Variants in IGSF9B observed in about 807,000 individuals in gnomAD.
IGSF9B encodes the protein protein turtle homolog B.
A neutral mutation model predicts 143.7 loss-of-function variants in IGSF9B; 48 were observed. The ratio of observed to expected loss-of-function variants is 0.33; its 90% confidence interval spans 0.26 to 0.42. IGSF9B has a LOEUF of 0.42. Among genes scored for constraint, IGSF9B ranks in the 20% least tolerant of loss-of-function variants. IGSF9B has a pLI of 1.00. For synonymous variants in IGSF9B, 903 were observed against 833.1 expected (o/e 1.08, Z -1.44); for missense variants, 1,706 against 1,980.0 (o/e 0.86, Z 2.63).
intron 1 of IGSF9B, among the ~76,000 whole-genome samples, chr11:133,946,535 G>A (rs906261259): frequency 2.6e-5 from 4 of 152,156 alleles, no homozygotes; most frequent in African/African-American, 9.7e-5. Flanking sequence ...CTACACGCCA[G>A]CTCTTCCCTC....
Position 133,925,737 on chromosome 11 carries a change from A to G in IGSF9B, c.2034+2T>C, listed in dbSNP as rs752161474. 3.5e-5 allele frequency: 57 copies of G among 1,611,376 alleles called. No homozygotes were observed. The highest frequency in any genetic ancestry group is 4.8e-5 in the Non-Finnish European group (56 of 1,178,358). On this transcript the variant is annotated splice_donor_variant, in intron 14 of 19. Transcript: ENST00000533871. LOFTEE classifies it high-confidence loss of function. ...AGCAGCAAGGAAGAGCAAAGCCCTCACCTGTGACAGATCCTTGGCAAAGAA... is the reference window on the plus strand; with the variant it reads ...AGCAGCAAGGAAGAGCAAAGCCCTCGCCTGTGACAGATCCTTGGCAAAGAA...
At chr11:133,947,195 G>C (rs557807257) in intron 1 of IGSF9B, among the ~76,000 whole-genome samples, 4 of 152,116 alleles carry the variant, frequency 2.6e-5, no homozygotes, top group Non-Finnish European at 1.5e-5. Flanking sequence ...GAAGAGCCAC[G>C]CACCCCAAGC....
intron 16 of IGSF9B, 137 bp downstream of exon 16, chr11:133,922,432 T>G: frequency 1.0e-6 from 1 of 995,410 alleles, no homozygotes; most frequent in Non-Finnish European, 1.5e-6. Flanking sequence ...TCAAATCAAG[T>G]CTCACTGGCA....
At chr11:133,944,426 G>A (rs569424362) in intron 2 of IGSF9B, 60 bp from the exon 3 acceptor site, 336 of 1,543,316 alleles carry the variant, frequency 2.2e-4, no homozygotes, top group Non-Finnish European at 2.8e-4. Context: ...GCAGCTCCCC[G>A]CCCCCTGCCC....
Position 133,925,972 on chromosome 11 carries a change from C to T in IGSF9B, c.1808-7G>A, listed in dbSNP as rs78743913. 8,713 of 1,573,976 alleles carry T rather than the reference C, an allele frequency of 5.5e-3. 187 individuals carry two copies. In the African/African-American group the frequency reaches 0.064, roughly 12 times the overall value. On this transcript the variant is annotated splice_region_variant and splice_polypyrimidine_tract_variant and intron_variant, in intron 13 of 19. Transcript: ENST00000533871. The stretch of plus-strand genomic sequence containing the variant: ...GGAGTTGTAATAGGGAATGCTGCGG[C>T]GGGGGAAGGAGAAGAACCACAGCGC...
At chr11:133,940,272 C>T (rs1345511419) in intron 3 of IGSF9B, among the ~76,000 whole-genome samples, 6 of 138,666 alleles carry the variant, frequency 4.3e-5, no homozygotes, top group African/African-American at 1.4e-4. Flanking sequence ...CGCGTCATCG[C>T]ACGCAGAAAC....
In IGSF9B at chr11:133,899,721, G is replaced by A. The variant is rs1050484484; in HGVS notation, c.*9348C>T. 6.6e-6 allele frequency: 1 copy of A among 152,436 alleles called. No homozygotes were observed. Among genetic ancestry groups the A allele is most frequent in the Non-Finnish European group, 1.5e-5 (1 of 68,196 alleles). 9.4% of individuals were successfully genotyped at this position (152,436 alleles called of 1,614,324 possible). ...GGGCAGAGTCCACAGAAAGAGAGGG[G>A]ATGGTGGGTCTAGAAGCCAACAGAA... On this transcript the variant is annotated 3_prime_UTR_variant, in exon 20 of 20. Coordinates refer to ENST00000533871, the MANE Select transcript of IGSF9B (RefSeq NM_001277285.4).
At chr11:133,927,945 G>A (rs1488184835) in intron 12 of IGSF9B, among the ~76,000 whole-genome samples, 2 of 152,178 alleles carry the variant, frequency 1.3e-5, no homozygotes, top group Non-Finnish European at 2.9e-5. Flanking sequence ...AGAAGCCGGC[G>A]CCAAACGTCG....
intron 15 of IGSF9B, among the ~76,000 whole-genome samples, chr11:133,923,984 T>C (rs772599332): frequency 2.6e-5 from 4 of 152,080 alleles, no homozygotes; most frequent in Non-Finnish European, 4.4e-5. Flanking sequence ...TTAAAGCCCA[T>C]TGATGCCTAA....
At chr11:133,933,439 A>T (rs1256117119) in intron 7 of IGSF9B, among the ~76,000 whole-genome samples, 1 of 152,166 alleles carries the variant, frequency 6.6e-6, no homozygotes, top group Non-Finnish European at 1.5e-5. Flanking sequence ...TCCCCATCTG[A>T]TTCTGCAGCT....
At position 133,921,046 on chromosome 11, in the gene IGSF9B, G is replaced by A. The variant is rs376960400; in HGVS notation, c.2679C>T (p.Asp893=). 1,406 of 1,613,784 alleles carry A rather than the reference G, an allele frequency of 8.7e-4. 20 individuals carry two copies. The South Asian group carries it at 0.014, about 16-fold the overall frequency. Residue 893 remains aspartate (D), a synonymous_variant, in exon 18 of 20, where the codon GAC becomes GAT. Coordinates refer to ENST00000533871, the MANE Select transcript of IGSF9B (RefSeq NM_001277285.4). ...GCACCAGTGGGTCCTCGTTCTCCTC[G>A]TCCGACTGGCGGAACTCGGGGTACA... ...TDMYPEFRQS[D]EENEDPLVPT...
chr11:133,917,833 G>A (rs865952127), intron 18 of IGSF9B, among the ~76,000 whole-genome samples: 3 of 151,902 alleles, frequency 2.0e-5, no homozygotes, highest in Non-Finnish European at 4.4e-5. Context: ...AATAGGGTGC[G>A]GGGGGGCTCT....
chr11:133,919,943 C>T lies in IGSF9B; in HGVS notation c.3782G>A (p.Ser1261Asn), dbSNP rs747853490. ...STPSTGSPSQ[S>N]SRSGSPSYRP... ...GTAGCTGGGACTCCCACTGCGGCTG[C>T]TCTGGGAGGGGGAGCCTGTGGACGG... The change falls in exon 18 of 20, where the codon AGC becomes AAC. Residue 1261 changes from serine (S) to asparagine (N), a missense_variant. By Grantham distance (46) the Ser-to-Asn change is conservative. This residue lies in a region of IGSF9B where 880 missense variants were observed against 762.9 expected (regional missense o/e 1.15). Coordinates refer to ENST00000533871, the MANE Select transcript of IGSF9B (RefSeq NM_001277285.4). 9 of 1,556,986 alleles carry T rather than the reference C, an allele frequency of 5.8e-6. No individual in the cohort carries two copies. The highest frequency in any genetic ancestry group is 1.7e-4 in the Middle Eastern group (1 of 5,802).
chr11:133,904,146 CAA>C lies in IGSF9B; in HGVS notation c.*4921_*4922del, dbSNP rs921583277. 6.6e-6 allele frequency among the ~76,000 whole-genome samples: 1 copy of C among 152,150 alleles called. No individual in the cohort carries two copies. Among genetic ancestry groups the C allele is most frequent in the African/African-American group, 2.4e-5 (1 of 41,440 alleles). On this transcript the variant is annotated 3_prime_UTR_variant, in exon 20 of 20. Coordinates refer to ENST00000533871, the MANE Select transcript of IGSF9B (RefSeq NM_001277285.4). ...TGGCCGGAAGGAAGCCTCTCTACCT[CAA>C]GAGGAAAGGGGGATGAAGGCACGTC...
rs1940192931 is a variant in IGSF9B at position 133,953,127 on chromosome 11, T to C, written c.64+3564A>G. Among the ~76,000 whole-genome samples, 1 of 152,114 alleles carries C rather than the reference T, an allele frequency of 6.6e-6. No individual in the cohort carries two copies. The highest frequency in any genetic ancestry group is 1.5e-5 in the Non-Finnish European group (1 of 68,012). Reference sequence around the variant, plus strand: ...GGGAGAAGGCAAAGGTACAGGAGGTTGGAGTGAGGGCCAGAGTGATGCTGG... The same window carrying C: ...GGGAGAAGGCAAAGGTACAGGAGGTCGGAGTGAGGGCCAGAGTGATGCTGG... On this transcript the variant is annotated intron_variant, in intron 1 of 19. Coordinates refer to ENST00000533871, the MANE Select transcript of IGSF9B (RefSeq NM_001277285.4). This position sits in a 1 kb window ranked among gnomAD's most constrained non-coding sequence, Gnocchi z 4.2.
At chr11:133,952,098 C>T (rs893876767) in intron 1 of IGSF9B, 1 of 453,798 alleles carries the variant, frequency 2.2e-6, no homozygotes, top group Non-Finnish European at 4.4e-6. Context: ...AGCTCTGGCG[C>T]ACTCGGACTC....
At chr11:133,939,755 G>A (rs114339875) in intron 3 of IGSF9B, among the ~76,000 whole-genome samples, 346 of 151,902 alleles carry the variant, frequency 2.3e-3, no homozygotes, top group African/African-American at 7.0e-3. Flanking sequence ...CCTTGCACGC[G>A]TCATCGCACA....
intron 3 of IGSF9B, among the ~76,000 whole-genome samples, chr11:133,940,696 A>G (rs1366686510): frequency 1.4e-5 from 2 of 143,922 alleles, no homozygotes; most frequent in Non-Finnish European, 3.0e-5. Context: ...ATCACATGCA[A>G]AAACACACCT....
intron 1 of IGSF9B, 68 bp downstream of exon 1, chr11:133,956,623 G>T: frequency 9.1e-7 from 1 of 1,095,466 alleles, no homozygotes; most frequent in Non-Finnish European, 1.3e-6. Context: ...CCGGGAAACC[G>T]AGGGGCCGGG....
Sources: gnomAD v4.1 joint callset for allele counts (sites outside exome capture counted in the v4.1 genomes callset) on GRCh38, gnomAD v4.1.1 for gene constraint, gnomAD v4.1.1 regional missense constraint, Gnocchi (gnomAD v3.1) non-coding constraint, MANE v1.5 for transcripts, NCBI Gene and HGNC (gene_info 2026-07-23, HGNC 2026-07-21) for gene names.